TUB: variants seen among roughly 807,000 people sequenced by gnomAD.
TUB encodes TUB bipartite transcription factor.
Under a neutral mutation model 59.7 loss-of-function variants are expected in TUB, and 33 were observed. That is an observed-to-expected ratio of 0.55 (90% CI 0.42 to 0.74). TUB has a LOEUF of 0.74. Ranked by LOEUF, TUB falls within the 30% of genes least tolerant of loss-of-function variation. TUB has a pLI of 0.00. For missense variants in TUB, 659 were observed against 672.0 expected (o/e 0.98, Z 0.21); for synonymous variants, 293 against 256.4 (o/e 1.14, Z -1.36).
chr11:8,055,472 T>G lies in TUB; in HGVS notation c.203+15780T>G, dbSNP rs75223641. 3.5e-3 allele frequency among the ~76,000 whole-genome samples: 527 copies of G among 151,972 alleles called. 11 individuals carry two copies. The highest frequency in any genetic ancestry group is 4.6e-3 in the Admixed American group (70 of 15,290). ...AGACAGATGTGCTGGCATCTGCCCA[T>G]CATGGGCCCCAGAGCCCACCCAGCA... On this transcript the variant is annotated intron_variant, in intron 2 of 12. Coordinates refer to the TUB transcript ENST00000305253.
intron 2 of TUB, among the ~76,000 whole-genome samples, chr11:8,045,540 C>T (rs564273118): frequency 1.3e-4 from 20 of 152,262 alleles, no homozygotes; most frequent in African/African-American, 3.9e-4. Flanking sequence ...CCGGAATATC[C>T]GAAACCTGAA....
intron 1 of TUB, among the ~76,000 whole-genome samples, chr11:8,086,854 C>G (rs558809136): frequency 6.6e-6 from 1 of 152,268 alleles, no homozygotes; most frequent in South Asian, 2.1e-4. Flanking sequence ...TTTCTGGAGC[C>G]TCTTCAGTAG....
chr11:8,021,014 T>C (rs1038592208), intron 1 of TUB, among the ~76,000 whole-genome samples: 2 of 152,188 alleles, frequency 1.3e-5, no homozygotes, highest in South Asian at 2.1e-4. Context: ...TAATTCCATA[T>C]AGTAAATAAT....
chr11:8,055,379 T>C (rs1564904486), intron 2 of TUB, among the ~76,000 whole-genome samples: 1 of 152,202 alleles, frequency 6.6e-6, no homozygotes, highest in African/African-American at 2.4e-5. Flanking sequence ...ACCCCTGAGA[T>C]GGCTTCCCTG....
intron 2 of TUB, among the ~76,000 whole-genome samples, chr11:8,048,391 G>A (rs571667550): frequency 6.6e-6 from 1 of 152,176 alleles, no homozygotes; most frequent in African/African-American, 2.4e-5. Flanking sequence ...TTTTTGTTTT[G>A]TTTGTTTTCT....
Position 8,029,391 on chromosome 11 carries a change from T to TC in TUB, c.56+10033_56+10034insC, listed in dbSNP as rs544617197. Among the ~76,000 whole-genome samples the TC allele has an allele frequency of 4.6e-3, 219 of 47,864 alleles. 1 individual carries two copies. Among genetic ancestry groups the TC allele is most frequent in the African/African-American group, 8.9e-3 (214 of 24,116 alleles). The allele number at this position is 47,864 out of a possible 152,430, so 31.4% of individuals were successfully genotyped here. ...GTTCTTTTCTTTTTCTTTCTTTCTT[T>TC]TTTTTTTTTTTTTTTGAGACAGAGT... On this transcript the variant is annotated intron_variant, in intron 1 of 11. Transcript: ENST00000534099.
Position 8,096,736 on chromosome 11 carries a change from A to G in TUB, c.617A>G (p.Asn206Ser). The G allele has an allele frequency of 1.2e-6, 2 of 1,614,074 alleles. No homozygotes were observed. Among genetic ancestry groups the G allele is most frequent in the Non-Finnish European group, 8.5e-7 (1 of 1,179,964 alleles). ...GAGGATGAGGAGGATGAGGAGGAGA[A>G]TAGCTCCAGCTCCTCCCAGCTAAAT... ...FDEDEEDEEE[N>S]SSSSSQLNSN... Residue 206 changes from asparagine to serine, a missense_variant, in exon 6 of 12, where the codon AAT (asparagine) becomes AGT (serine). Physicochemically the swap from Asn to Ser is conservative, Grantham distance 46. This residue lies in a region of TUB where 321 missense variants were observed against 304.3 expected (regional missense o/e 1.05). Coordinates refer to ENST00000299506, the MANE Select transcript of TUB (RefSeq NM_177972.3).
chr11:8,101,848 CTTTCCA>C lies in TUB; in HGVS notation c.*231_*236del. 1.3e-5 allele frequency: 6 copies of C among 452,128 alleles called. No individual in the cohort carries two copies. In the South Asian group the frequency reaches 2.2e-4, roughly 16 times the overall value. The allele number at this position is 452,128 out of a possible 1,614,324, so 28.0% of individuals were successfully genotyped here. A position where few individuals can be genotyped will look rare whatever the true frequency, so the allele number is the denominator to read the frequency against. ...TGGGTGTGAAGGGATGAGAATAATT[CTTTCCA>C]TGCCACGAGATCAACACACACTCCC... On this transcript the variant is annotated 3_prime_UTR_variant, in exon 12 of 12. Coordinates refer to ENST00000299506, the MANE Select transcript of TUB (RefSeq NM_177972.3).
chr11:8,102,374 C>T lies in TUB; in HGVS notation c.*755C>T, dbSNP rs1367518494. 1 of 152,226 alleles carries T rather than the reference C, an allele frequency of 6.6e-6. No homozygotes were observed. The highest frequency in any genetic ancestry group is 1.5e-5 in the Non-Finnish European group (1 of 68,064). 9.4% of individuals were successfully genotyped at this position (152,226 alleles called of 1,614,324 possible). A position where few individuals can be genotyped will look rare whatever the true frequency, so the allele number is the denominator to read the frequency against. Reference sequence around the variant, plus strand: ...GTCTTGGTGGATGGGCCCTGCAAGACACAGGCTCAGCATGCAGAAGTGCAT... The same window carrying T: ...GTCTTGGTGGATGGGCCCTGCAAGATACAGGCTCAGCATGCAGAAGTGCAT... On this transcript the variant is annotated 3_prime_UTR_variant, in exon 12 of 12. Coordinates refer to ENST00000299506, the MANE Select transcript of TUB (RefSeq NM_177972.3).
chr11:8,063,430 C>T (rs1161486304), intron 2 of TUB, among the ~76,000 whole-genome samples: 1 of 152,216 alleles, frequency 6.6e-6, no homozygotes, highest in African/African-American at 2.4e-5. Flanking sequence ...TAGCCGACTG[C>T]ACGTTTGCTT....
chr11:8,065,933 G>A (rs1188446460), intron 2 of TUB, among the ~76,000 whole-genome samples: 2 of 152,212 alleles, frequency 1.3e-5, no homozygotes. Flanking sequence ...GGATTCTGTG[G>A]TTGCAGACAC....
intron 2 of TUB, among the ~76,000 whole-genome samples, chr11:8,048,888 A>T (rs142012368): frequency 6.6e-6 from 1 of 152,346 alleles, no homozygotes; most frequent in East Asian, 1.9e-4. Flanking sequence ...ATATCATTTG[A>T]CATTACTGCA....
chr11:8,051,270 G>A (rs1231794283), intron 2 of TUB, among the ~76,000 whole-genome samples: 1 of 152,116 alleles, frequency 6.6e-6, no homozygotes, highest in Non-Finnish European at 1.5e-5. Context: ...ATGACATTGT[G>A]TAAACTGTTT....
At chr11:8,093,764 T>C (rs1302254612) in intron 3 of TUB, among the ~76,000 whole-genome samples, 1 of 152,164 alleles carries the variant, frequency 6.6e-6, no homozygotes, top group Non-Finnish European at 1.5e-5. Context: ...CCCAGAACTT[T>C]TGAGTGCGCA....
intron 5 of TUB, 28 bp downstream of exon 5, chr11:8,095,693 C>T (rs371585505): frequency 1.4e-5 from 22 of 1,561,026 alleles, no homozygotes; most frequent in South Asian, 2.4e-5. Context: ...CCAGTGATAC[C>T]CCCAAAACTC....
intron 1 of TUB, among the ~76,000 whole-genome samples, chr11:8,082,393 C>G (rs901457258): frequency 1.3e-5 from 2 of 152,084 alleles, no homozygotes; most frequent in Non-Finnish European, 2.9e-5. Flanking sequence ...CTCTGGGGGG[C>G]CCCTCACAGG....
rs1589996458 is a variant in TUB at position 8,100,602 on chromosome 11, G to A, written c.1215+1G>A. Reference sequence around the variant, plus strand: ...GAGAGTCTCTATCCGCCCCCGCAACGTGAGTGTCTACCCCTTCCTCCCCTC... The same window carrying A: ...GAGAGTCTCTATCCGCCCCCGCAACATGAGTGTCTACCCCTTCCTCCCCTC... On this transcript the variant is annotated splice_donor_variant, in intron 10 of 11. Transcript: ENST00000299506. LOFTEE classifies it high-confidence loss of function. 6.2e-7 allele frequency: 1 copy of A among 1,613,454 alleles called. No homozygotes were observed. The highest frequency in any genetic ancestry group is 8.5e-7 in the Non-Finnish European group (1 of 1,179,534).
intron 11 of TUB, among the ~76,000 whole-genome samples, 183 bp downstream of exon 11, chr11:8,101,180 G>A (rs1453536905): frequency 6.6e-6 from 1 of 152,160 alleles, no homozygotes; most frequent in Non-Finnish European, 1.5e-5. Flanking sequence ...AACCTTCTTT[G>A]CAGCCCTGGT....
chr11:8,084,764 G>A (rs1943635999), intron 1 of TUB, among the ~76,000 whole-genome samples: 2 of 152,156 alleles, frequency 1.3e-5, no homozygotes, highest in South Asian at 4.1e-4. Flanking sequence ...CCCACACCTG[G>A]GTTCTAAGCA....
Sources: gnomAD v4.1 joint callset for allele counts (sites outside exome capture counted in the v4.1 genomes callset) on GRCh38, gnomAD v4.1.1 for gene constraint, gnomAD v4.1.1 regional missense constraint, MANE v1.5 for transcripts, NCBI Gene and HGNC (gene_info 2026-07-23, HGNC 2026-07-21) for gene names.